LEPR: variants seen among roughly 807,000 people sequenced by gnomAD.
LEPR encodes the protein OB receptor.
In LEPR, 56 loss-of-function variants were observed where a neutral mutation model predicts 114.7. The observed-to-expected ratio is 0.49, with a 90% CI of 0.39 to 0.61. LEPR has a LOEUF of 0.61. LEPR is among the 20% of genes least tolerant of loss of function. The pLI is 0.00. For synonymous variants in LEPR, 443 were observed against 461.4 expected (o/e 0.96, Z 0.51); for missense variants, 1,202 against 1,352.9 (o/e 0.89, Z 1.75).
chr1:65,490,314 T>C (rs148620382), intron 2 of LEPR, among the ~76,000 whole-genome samples: 73 of 152,254 alleles, frequency 4.8e-4, no homozygotes, highest in African/African-American at 1.6e-3. Context: ...TTTTAATGTG[T>C]AATGGCACAT....
intron 2 of LEPR, 91 bp from the exon 3 acceptor site, chr1:65,565,454 TA>T: frequency 8.1e-7 from 1 of 1,235,888 alleles, no homozygotes; most frequent in Non-Finnish European, 1.2e-6. Flanking sequence ...GACTTATCTA[TA>T]ATCCCTTTCC....
At chr1:65,467,902 G>A (rs1272388382) in intron 2 of LEPR, among the ~76,000 whole-genome samples, 1 of 152,220 alleles carries the variant, frequency 6.6e-6, no homozygotes, top group Non-Finnish European at 1.5e-5. Context: ...GAAAAGCACA[G>A]TATTTGGTCA....
At chr1:65,609,818 G>T in intron 12 of LEPR, 129 bp from the exon 13 acceptor site, 1 of 1,296,234 alleles carries the variant, frequency 7.7e-7, no homozygotes, top group Non-Finnish European at 1.1e-6. Context: ...ATTTCTGAAG[G>T]CAGAGAACAC....
chr1:65,635,332 A>G, intron 19 of LEPR: 11 of 984,204 alleles, frequency 1.1e-5, no homozygotes, highest in Non-Finnish European at 1.2e-5. Context: ...TTTACATTGT[A>G]TGAATTGAGC....
rs192471901 is a variant in LEPR at position 65,603,490 on chromosome 1, A to G, written c.1403+1530A>G. Among the ~76,000 whole-genome samples, 6 of 152,350 alleles carry G rather than the reference A, an allele frequency of 3.9e-5. No individual in the cohort carries two copies. In the East Asian group the frequency reaches 7.7e-4, roughly 20 times the overall value. On this transcript the variant is annotated intron_variant, in intron 10 of 19. Coordinates refer to ENST00000349533, the MANE Select transcript of LEPR (RefSeq NM_002303.6). ...CTTCCTCACTCCCATCTCTTTGGAA[A>G]GAGTAATTGCTACTTCAGCTATTTA... is the stretch of plus-strand genomic sequence containing the variant.
chr1:65,528,369 A>G (rs1650122361), intron 2 of LEPR, among the ~76,000 whole-genome samples: 1 of 152,160 alleles, frequency 6.6e-6, no homozygotes, highest in South Asian at 2.1e-4. Context: ...TACTGGCCAC[A>G]CTCAGTATGT....
rs759503305 is a variant in LEPR at position 65,596,466 on chromosome 1, T to G, written c.722T>G (p.Leu241Ter). The G allele has an allele frequency of 6.2e-7, 1 of 1,612,784 alleles. No homozygotes were observed. The highest frequency in any genetic ancestry group is 1.1e-5 in the South Asian group (1 of 91,056). Residue 241 changes from leucine to a stop codon, truncating the protein, a stop_gained, in exon 7 of 20, where the codon TTA becomes TGA. Transcript: ENST00000349533. LOFTEE classifies it high-confidence loss of function. ...CCTTAAGTGAAGCCTGATCCACCAT[T>G]AGGTTTGCATATGGAAATCACAGAT... is the stretch of plus-strand genomic sequence containing the variant. ...PINMVKPDPP[L>*]GLHMEITDDG...
At chr1:65,572,245 T>G (rs1654236451) in intron 4 of LEPR, 81 bp from the exon 5 acceptor site, 5 of 1,443,594 alleles carry the variant, frequency 3.5e-6, no homozygotes, top group Non-Finnish European at 4.6e-6. Context: ...TTAGCTCTTC[T>G]CTTTCACTGA....
Position 65,608,853 on chromosome 1 carries a change from T to A in LEPR, c.1704T>A (p.Leu568=). 1 of 1,613,782 alleles carries A rather than the reference T, an allele frequency of 6.2e-7. No homozygotes were observed. The highest frequency in any genetic ancestry group is 8.5e-7 in the Non-Finnish European group (1 of 1,179,838). ...WEKPVFPENN[L]QFQIRYGLSG... ...AGCCAGTCTTTCCAGAGAATAACCT[T>A]CAATTCCAGATTCGCTATGGTTTAA... Residue 568 remains leucine (L), a synonymous_variant, in exon 12 of 20, where the codon CTT becomes CTA. Transcript: ENST00000349533.
chr1:65,569,818 A>G (rs1020484356), intron 3 of LEPR, among the ~76,000 whole-genome samples: 1 of 151,854 alleles, frequency 6.6e-6, no homozygotes, highest in African/African-American at 2.4e-5. Flanking sequence ...TGATAATTTA[A>G]TCAGCAGTGG....
chr1:65,607,508 A>T (rs1656891113), intron 11 of LEPR, among the ~76,000 whole-genome samples: 1 of 152,210 alleles, frequency 6.6e-6, no homozygotes, highest in African/African-American at 2.4e-5. Flanking sequence ...ACCAGTTGGT[A>T]TGGATGTACT....
intron 2 of LEPR, among the ~76,000 whole-genome samples, chr1:65,532,606 A>T (rs2100626376): frequency 6.6e-6 from 1 of 152,348 alleles, no homozygotes; most frequent in East Asian, 1.9e-4. Context: ...TGATGAATGG[A>T]TAAACAAACT....
chr1:65,635,066 T>TAA lies in LEPR; in HGVS notation c.2674-1124_2674-1123dup, dbSNP rs1303612293. On this transcript the variant is annotated intron_variant, in intron 19 of 19. Coordinates refer to ENST00000349533, the MANE Select transcript of LEPR (RefSeq NM_002303.6). ...CTTTTAATCACTAACATATTTTACT[T>TAA]AAGAGTATAAAACTATGCTAAATAA... The TAA allele has an allele frequency of 3.4e-6, 3 of 880,578 alleles. No individual in the cohort carries two copies. The East Asian group carries it at 3.6e-4, about 106-fold the overall frequency. The allele number at this position is 880,578 out of a possible 1,614,324, so 54.5% of individuals were successfully genotyped here.
At position 65,598,866 on chromosome 1, in the gene LEPR, A is replaced by G. The variant is rs1199604590; in HGVS notation, c.994+62A>G. On this transcript the variant is annotated intron_variant, in intron 8 of 19. Transcript: ENST00000349533. Reference sequence around the variant, plus strand: ...ATATATTTCCTGAACTTGCCTTTGTATAGTATAAGCATCTTACATTTTGAG... The same window carrying G: ...ATATATTTCCTGAACTTGCCTTTGTGTAGTATAAGCATCTTACATTTTGAG... 31 of 1,608,628 alleles carry G rather than the reference A, an allele frequency of 1.9e-5. 1 individual carries two copies. Among genetic ancestry groups the G allele is most frequent in the South Asian group, 8.8e-5 (8 of 90,478 alleles).
At chr1:65,435,569 G>A (rs567575021) in intron 2 of LEPR, 421 of 497,304 alleles carry the variant, frequency 8.5e-4, no homozygotes, top group Non-Finnish European at 1.0e-3. Flanking sequence ...GGGTTTCATC[G>A]TGTTAGCCAG....
intron 2 of LEPR, among the ~76,000 whole-genome samples, chr1:65,479,256 A>G (rs1367416570): frequency 6.8e-6 from 1 of 146,434 alleles, no homozygotes; most frequent in South Asian, 2.2e-4. Flanking sequence ...CATAGCTCTT[A>G]GTACAGGACA....
chr1:65,621,416 C>G lies in LEPR; in HGVS notation c.2555C>G (p.Ser852Cys). The G allele has an allele frequency of 6.2e-7, 1 of 1,613,368 alleles. No individual in the cohort carries two copies. The highest frequency in any genetic ancestry group is 1.1e-5 in the South Asian group (1 of 91,070). ...LYVIVPVIIS[S>C]SILLLGTLLI... ...GTAATTGTGCCAGTAATTATTTCCT[C>G]TTCCATCTTATTGCTTGGAACATTA... The change falls in exon 18 of 20, where the codon TCT becomes TGT. Residue 852 changes from serine to cysteine, a missense_variant. Transcript: ENST00000349533.
chr1:65,436,756 T>A (rs1646569271), intron 2 of LEPR, among the ~76,000 whole-genome samples: 1 of 152,260 alleles, frequency 6.6e-6, no homozygotes, highest in South Asian at 2.1e-4. Flanking sequence ...TGAATAATTC[T>A]AAGTGTTTAC....
chr1:65,580,480 T>G (rs1654906810), intron 5 of LEPR, among the ~76,000 whole-genome samples: 1 of 152,244 alleles, frequency 6.6e-6, no homozygotes, highest in Admixed American at 6.5e-5. Flanking sequence ...ATATGTCCCT[T>G]AAGGGAAAGC....
Sources: gnomAD v4.1 joint callset for allele counts (sites outside exome capture counted in the v4.1 genomes callset) on GRCh38, gnomAD v4.1.1 for gene constraint, MANE v1.5 for transcripts, NCBI Gene and HGNC (gene_info 2026-07-23, HGNC 2026-07-21) for gene names.